The following TM7SF3 variants were observed in gnomAD, a reference collection of about 807,000 sequenced individuals.
The protein encoded by TM7SF3 is transmembrane 7 superfamily member 3, also known as seven span transmembrane protein.
A neutral mutation model predicts 65.5 loss-of-function variants in TM7SF3; 60 were observed. The ratio of observed to expected loss-of-function variants is 0.92; its 90% confidence interval spans 0.74 to 1.14. The LOEUF (loss-of-function observed/expected upper bound fraction) is 1.14, where lower values mean the gene tolerates loss of function less well. Ranked by LOEUF, TM7SF3 falls within the 50% of genes most tolerant of loss-of-function variation. The pLI is 0.00. For missense variants in TM7SF3, 623 were observed against 684.8 expected (o/e 0.91, Z 1.01); for synonymous variants, 264 against 259.6 (o/e 1.02, Z -0.16).
rs542361092 is a variant in TM7SF3 at position 26,993,619 on chromosome 12, G to T, written c.690+1618C>A. The stretch of plus-strand genomic sequence containing the variant: ...TAAAGTGGTTCTCCTTTTACAATGA[G>T]AATTAATCTAAGGATGCTACTTAGA... On this transcript the variant is annotated intron_variant, in intron 5 of 11. Transcript: ENST00000343028. 2.6e-5 allele frequency among the ~76,000 whole-genome samples: 4 copies of T among 152,260 alleles called. No homozygotes were observed. In the East Asian group the frequency reaches 7.7e-4, roughly 29 times the overall value.
At chr12:27,003,206 A>T (rs765749763) in intron 2 of TM7SF3, 30 bp downstream of exon 2, 1 of 1,537,968 alleles carries the variant, frequency 6.5e-7, no homozygotes, top group Non-Finnish European at 8.9e-7. Context: ...TATAGAAATG[A>T]TTTTTACTAA....
chr12:26,999,127 T>C (rs1478382968), intron 3 of TM7SF3, among the ~76,000 whole-genome samples: 1 of 152,210 alleles, frequency 6.6e-6, no homozygotes, highest in Non-Finnish European at 1.5e-5. Flanking sequence ...CTGGGCGCAG[T>C]GGCTCATGCC....
chr12:27,008,931 G>A (rs1230355707), intron 1 of TM7SF3, among the ~76,000 whole-genome samples: 1 of 152,082 alleles, frequency 6.6e-6, no homozygotes, highest in African/African-American at 2.4e-5. Flanking sequence ...TTCCAGTGAT[G>A]GATACACTAA....
chr12:26,984,167 C>T (rs1435543874), intron 6 of TM7SF3, among the ~76,000 whole-genome samples: 2 of 152,166 alleles, frequency 1.3e-5, no homozygotes, highest in African/African-American at 2.4e-5. Context: ...CAGTGGCTCA[C>T]GCCTATAATC....
intron 1 of TM7SF3, among the ~76,000 whole-genome samples, chr12:27,006,140 C>CTTT (rs71437315): frequency 2.5e-5 from 3 of 122,074 alleles, no homozygotes; most frequent in African/African-American, 6.1e-5. Flanking sequence ...TTTTCTTTTT[C>CTTT]TTTTTTTTTT....
chr12:26,991,151 T>C, intron 5 of TM7SF3, among the ~76,000 whole-genome samples: 1 of 141,836 alleles, frequency 7.1e-6, no homozygotes. Context: ...CTTTTTTTTT[T>C]TTTTTTTTTT....
chr12:26,975,801 G>A lies in TM7SF3; in HGVS notation c.1288-143C>T, dbSNP rs1188585893. On this transcript the variant is annotated intron_variant, in intron 10 of 11. Coordinates refer to ENST00000343028, the MANE Select transcript of TM7SF3 (RefSeq NM_016551.3). ...CAGACCCACTCAGAGCTGAACAGAAGTTCCCTGGAAAGATAAACTGAAAAC... is the reference window on the plus strand; with the variant it reads ...CAGACCCACTCAGAGCTGAACAGAAATTCCCTGGAAAGATAAACTGAAAAC... 1.5e-5 allele frequency: 12 copies of A among 819,404 alleles called. No individual in the cohort carries two copies. The Admixed American group carries it at 2.1e-4, about 15-fold the overall frequency. The allele number at this position is 819,404 out of a possible 1,614,324, so 50.8% of individuals were successfully genotyped here. A position where few individuals can be genotyped will look rare whatever the true frequency, so the allele number is the denominator to read the frequency against.
intron 6 of TM7SF3, among the ~76,000 whole-genome samples, chr12:26,984,992 C>T (rs1939980068): frequency 6.6e-6 from 1 of 152,126 alleles, no homozygotes; most frequent in Non-Finnish European, 1.5e-5. Flanking sequence ...CACTCTAATA[C>T]TCATCAATCT....
At chr12:27,002,623 T>C (rs912815958) in intron 2 of TM7SF3, among the ~76,000 whole-genome samples, 11 of 152,188 alleles carry the variant, frequency 7.2e-5, no homozygotes, top group African/African-American at 2.4e-4. Context: ...TAAAAGATTA[T>C]ATAAATGGCA....
intron 6 of TM7SF3, among the ~76,000 whole-genome samples, chr12:26,989,758 C>A (rs759327481): frequency 7.2e-5 from 11 of 152,236 alleles, no homozygotes; most frequent in Non-Finnish European, 1.3e-4. Flanking sequence ...ACTTCAGTGG[C>A]CTCCTAACCA....
intron 6 of TM7SF3, among the ~76,000 whole-genome samples, chr12:26,985,900 G>A (rs565985295): frequency 7.4e-4 from 84 of 112,804 alleles, no homozygotes; most frequent in African/African-American, 2.6e-3. Context: ...TGCCAGCTCC[G>A]CCTCCCGGGT....
chr12:26,996,948 A>C, intron 3 of TM7SF3, 86 bp from the exon 4 acceptor site: 1 of 1,393,668 alleles, frequency 7.2e-7, no homozygotes, highest in Non-Finnish European at 9.6e-7. Flanking sequence ...ATCTACTCTT[A>C]CAAAAACTTC....
intron 6 of TM7SF3, among the ~76,000 whole-genome samples, chr12:26,984,605 T>G (rs1219066493): frequency 6.6e-6 from 1 of 152,114 alleles, no homozygotes; most frequent in East Asian, 1.9e-4. Flanking sequence ...CGTGAACTTT[T>G]CAGCAAGTAT....
intron 7 of TM7SF3, among the ~76,000 whole-genome samples, chr12:26,981,548 C>T (rs139314176): frequency 6.6e-6 from 1 of 152,098 alleles, no homozygotes; most frequent in East Asian, 1.9e-4. Context: ...AACTTTGAGA[C>T]CACAGCTTAG....
intron 1 of TM7SF3, among the ~76,000 whole-genome samples, chr12:27,013,656 G>A (rs1401707170): frequency 3.3e-5 from 5 of 152,072 alleles, no homozygotes; most frequent in African/African-American, 9.7e-5. Context: ...TAGATTTGGG[G>A]GTGTAAAAAT....
In TM7SF3 at chr12:26,973,858, G is replaced by T; in HGVS notation, c.*107C>A. The T allele has an allele frequency of 2.2e-6, 3 of 1,378,308 alleles. No individual in the cohort carries two copies. Among genetic ancestry groups the T allele is most frequent in the South Asian group, 1.4e-5 (1 of 72,418 alleles). 85.4% of individuals were successfully genotyped at this position (1,378,308 alleles called of 1,614,324 possible). A position where few individuals can be genotyped will look rare whatever the true frequency, so the allele number is the denominator to read the frequency against. ...TAAGGGCACCATAATATTATGCAAA[G>T]AACAGATATATATGCCTGATCTCTT... On this transcript the variant is annotated 3_prime_UTR_variant, in exon 12 of 12. Transcript: ENST00000343028.
chr12:26,982,057 A>G (rs751512462), intron 7 of TM7SF3, among the ~76,000 whole-genome samples: 2 of 151,810 alleles, frequency 1.3e-5, no homozygotes, highest in Non-Finnish European at 2.9e-5. Flanking sequence ...TTCTTGAGAC[A>G]GGATCTTACT....
At chr12:26,984,451 A>AAC (rs111836254) in intron 6 of TM7SF3, among the ~76,000 whole-genome samples, 2,699 of 138,732 alleles carry the variant, frequency 0.019, 72 homozygotes, top group African/African-American at 0.062. Context: ...ACGAAAAACA[A>AAC]AAAAAAAAAA....
intron 6 of TM7SF3, among the ~76,000 whole-genome samples, chr12:26,989,253 T>C (rs10082871): frequency 0.24 from 37,140 of 151,870 alleles, 4,895 homozygotes; most frequent in East Asian, 0.38. Context: ...CTGGCCAACA[T>C]GGTGAAACCC....
Sources: gnomAD v4.1 joint callset for allele counts (sites outside exome capture counted in the v4.1 genomes callset) on GRCh38, gnomAD v4.1.1 for gene constraint, MANE v1.5 for transcripts, NCBI Gene and HGNC (gene_info 2026-07-23, HGNC 2026-07-21) for gene names.